Variants in SLC16A10 observed in about 807,000 individuals in gnomAD.
SLC16A10 encodes monocarboxylate transporter 10.
Under a neutral mutation model 40.0 loss-of-function variants are expected in SLC16A10, and 27 were observed. The observed-to-expected ratio is 0.67, with a 90% CI of 0.50 to 0.93. SLC16A10 has a LOEUF of 0.93. SLC16A10 is among the 40% of genes least tolerant of loss of function. The pLI, the probability that SLC16A10 is intolerant of heterozygous loss-of-function variation, is 0.00. For missense variants in SLC16A10, 529 were observed against 658.2 expected, an observed-to-expected ratio of 0.80 and a Z score of 2.15; for synonymous variants, 213 against 249.8, an observed-to-expected ratio of 0.85 and a Z score of 1.39.
At chr6:111,171,191 A>G (rs1424558092) in intron 1 of SLC16A10, among the ~76,000 whole-genome samples, 1 of 152,178 alleles carries the variant, frequency 6.6e-6, no homozygotes, top group Non-Finnish European at 1.5e-5. Flanking sequence ...AAGGCTCTGC[A>G]TGTCTTGATT....
intron 1 of SLC16A10, among the ~76,000 whole-genome samples, chr6:111,172,446 G>GA (rs1238362759): frequency 5.3e-5 from 8 of 151,390 alleles, no homozygotes; most frequent in African/African-American, 1.9e-4. Context: ...CATACCTTCA[G>GA]AAAAAAAGAT....
At chr6:111,189,625 G>A (rs574351596) in intron 3 of SLC16A10, among the ~76,000 whole-genome samples, 4 of 152,158 alleles carry the variant, frequency 2.6e-5, no homozygotes, top group Non-Finnish European at 5.9e-5. Flanking sequence ...ACATGGCTGG[G>A]TAGGCTTCAC....
intron 1 of SLC16A10, among the ~76,000 whole-genome samples, chr6:111,158,608 T>A (rs1772315592): frequency 6.6e-6 from 1 of 152,178 alleles, no homozygotes; most frequent in South Asian, 2.1e-4. Context: ...GTGGCCTGGT[T>A]CCTAACAGGC....
chr6:111,165,727 G>T (rs1214416701), intron 1 of SLC16A10, among the ~76,000 whole-genome samples: 1 of 152,196 alleles, frequency 6.6e-6, no homozygotes, highest in Admixed American at 6.5e-5. Flanking sequence ...AATCTTTAAA[G>T]ATAGCTCAGA....
At chr6:111,185,588 G>GT (rs1332735244) in intron 3 of SLC16A10, among the ~76,000 whole-genome samples, 1 of 152,120 alleles carries the variant, frequency 6.6e-6, no homozygotes, top group Non-Finnish European at 1.5e-5. Context: ...AGGCCATGCA[G>GT]TTACTTTTCA....
chr6:111,166,116 T>A (rs1416173591), intron 1 of SLC16A10, among the ~76,000 whole-genome samples: 1 of 152,342 alleles, frequency 6.6e-6, no homozygotes, highest in East Asian at 1.9e-4. Flanking sequence ...CATAGCAGAT[T>A]GGCTACAGCT....
chr6:111,094,348 A>G (rs934101960), intron 1 of SLC16A10, among the ~76,000 whole-genome samples: 2 of 152,174 alleles, frequency 1.3e-5, no homozygotes, highest in African/African-American at 4.8e-5. Flanking sequence ...ATCATACTAA[A>G]CTAACATGAA....
chr6:111,154,413 A>G (rs956649427), intron 1 of SLC16A10, among the ~76,000 whole-genome samples: 15 of 152,206 alleles, frequency 9.9e-5, no homozygotes, highest in South Asian at 2.1e-4. Context: ...ATGTAAACAC[A>G]TCACCAGTCA....
chr6:111,171,709 G>T (rs527564203), intron 1 of SLC16A10, among the ~76,000 whole-genome samples: 2 of 151,308 alleles, frequency 1.3e-5, no homozygotes, highest in East Asian at 3.9e-4. Flanking sequence ...CTAGCTACTT[G>T]GAAGATTGAG....
intron 1 of SLC16A10, among the ~76,000 whole-genome samples, chr6:111,151,931 A>G (rs1166306431): frequency 6.6e-6 from 1 of 152,030 alleles, no homozygotes; most frequent in Non-Finnish European, 1.5e-5. Flanking sequence ...CCCACAACAC[A>G]CAGTACACAC....
At chr6:111,093,494 A>G (rs558516075) in intron 1 of SLC16A10, among the ~76,000 whole-genome samples, 1 of 152,156 alleles carries the variant, frequency 6.6e-6, no homozygotes, top group Non-Finnish European at 1.5e-5. Flanking sequence ...CCCCACACCA[A>G]GTTTTCACAT....
intron 1 of SLC16A10, among the ~76,000 whole-genome samples, chr6:111,128,497 GAAGA>G (rs1771717246): frequency 6.6e-6 from 1 of 152,184 alleles, no homozygotes; most frequent in Non-Finnish European, 1.5e-5. Flanking sequence ...TTCTGTTGGA[GAAGA>G]AAGGCTGGCT....
intron 1 of SLC16A10, among the ~76,000 whole-genome samples, chr6:111,157,146 T>A (rs1772285019): frequency 6.6e-6 from 1 of 152,196 alleles, no homozygotes; most frequent in Admixed American, 6.5e-5. Context: ...CTTGAACTCC[T>A]GACCTCAGGT....
At position 111,183,717 on chromosome 6, in the gene SLC16A10, G is replaced by A. The variant is rs572648517; in HGVS notation, c.942+6052G>A. 1.7e-3 allele frequency among the ~76,000 whole-genome samples: 261 copies of A among 152,346 alleles called. 1 individual carries two copies. Among genetic ancestry groups the A allele is most frequent in the African/African-American group, 6.0e-3 (249 of 41,590 alleles). ...TGAGTAACCAGTAATGCTGTCCGTT[G>A]ATGGAGGAGAGAGTTGGTGTGTTTT... On this transcript the variant is annotated intron_variant, in intron 3 of 5. Coordinates refer to ENST00000368851, the MANE Select transcript of SLC16A10 (RefSeq NM_018593.5).
chr6:111,178,220 T>A (rs930784175), intron 3 of SLC16A10, among the ~76,000 whole-genome samples: 1 of 152,228 alleles, frequency 6.6e-6, no homozygotes, highest in Non-Finnish European at 1.5e-5. Context: ...AAAGCCATGA[T>A]GTTGATACAA....
intron 1 of SLC16A10, among the ~76,000 whole-genome samples, chr6:111,167,974 C>G (rs894892342): frequency 1.3e-5 from 2 of 149,342 alleles, no homozygotes; most frequent in Non-Finnish European, 3.0e-5. Context: ...TGTTCCTGGT[C>G]TAGTTTGCAC....
At chr6:111,150,564 A>T (rs1327890090) in intron 1 of SLC16A10, among the ~76,000 whole-genome samples, 1 of 152,234 alleles carries the variant, frequency 6.6e-6, no homozygotes, top group African/African-American at 2.4e-5. Flanking sequence ...TAAGTGAGCT[A>T]GTTGGCTATA....
intron 1 of SLC16A10, among the ~76,000 whole-genome samples, chr6:111,097,787 G>A (rs923910912): frequency 1.3e-5 from 2 of 152,132 alleles, no homozygotes; most frequent in Non-Finnish European, 2.9e-5. Context: ...TCCTCCTCCA[G>A]TGCCTCCACT....
rs1770954729 is a variant in SLC16A10, at chr6:111,224,395, G to T, written c.*2160G>T. 1.3e-5 allele frequency: 2 copies of T among 152,082 alleles called. No individual in the cohort carries two copies. The highest frequency in any genetic ancestry group is 6.6e-5 in the Admixed American group (1 of 15,262). The allele number at this position is 152,082 out of a possible 1,614,324, so 9.4% of individuals were successfully genotyped here. On this transcript the variant is annotated 3_prime_UTR_variant, in exon 6 of 6. Transcript: ENST00000368851. ...ACAGTGTTTTTCTTTTCAAAATTTG[G>T]CTGATTTTAGGAAAAAAGTGATCAT...
Sources: gnomAD v4.1 joint callset for allele counts (sites outside exome capture counted in the v4.1 genomes callset) on GRCh38, gnomAD v4.1.1 for gene constraint, MANE v1.5 for transcripts, NCBI Gene and HGNC (gene_info 2026-07-23, HGNC 2026-07-21) for gene names.